PTPRD: variants seen among roughly 807,000 people sequenced by gnomAD.
PTPRD encodes protein tyrosine phosphatase receptor type D, also known as receptor-type tyrosine-protein phosphatase delta.
PTPRD carries 34 observed loss-of-function variants against 214.5 expected under a neutral mutation model. That is an observed-to-expected ratio of 0.16 (90% CI 0.12 to 0.21). The LOEUF (loss-of-function observed/expected upper bound fraction) is 0.21. Ranked by LOEUF, PTPRD falls within the 10% of genes least tolerant of loss-of-function variation. The pLI is 1.00. For missense variants in PTPRD, 2,545 were observed against 2,398.7 expected (o/e 1.06, Z -1.27); for synonymous variants, 1,128 against 845.7 (o/e 1.33, Z -5.79).
chr9:8,695,279 T>C (rs547525382), intron 12 of PTPRD, among the ~76,000 whole-genome samples: 4 of 152,292 alleles, frequency 2.6e-5, no homozygotes, highest in African/African-American at 7.2e-5. Context: ...TAAATTTTCA[T>C]TCACCAGGAT....
intron 11 of PTPRD, among the ~76,000 whole-genome samples, chr9:8,871,071 G>A (rs934173553): frequency 2.6e-5 from 4 of 152,108 alleles, no homozygotes; most frequent in African/African-American, 7.2e-5. Context: ...ATAAGTACAC[G>A]TGTTGCTAGG....
At chr9:10,247,930 T>C (rs1009669050) in intron 3 of PTPRD, among the ~76,000 whole-genome samples, 6 of 152,100 alleles carry the variant, frequency 3.9e-5, no homozygotes, top group Non-Finnish European at 7.4e-5. Flanking sequence ...GACCCAGTGA[T>C]AGACGATTGA....
intron 2 of PTPRD, among the ~76,000 whole-genome samples, chr9:10,523,890 A>T (rs2134312938): frequency 6.6e-6 from 1 of 152,008 alleles, no homozygotes; most frequent in East Asian, 1.9e-4. Context: ...TAAAATGCTC[A>T]TTCAGTGTGT....
At chr9:8,359,930 C>T (rs2078043354) in intron 39 of PTPRD, among the ~76,000 whole-genome samples, 1 of 152,130 alleles carries the variant, frequency 6.6e-6, no homozygotes, top group African/African-American at 2.4e-5. Flanking sequence ...TCAAGCTTTC[C>T]TTTTCCTCCA....
intron 11 of PTPRD, among the ~76,000 whole-genome samples, chr9:8,883,983 G>A (rs915906875): frequency 3.3e-5 from 5 of 152,240 alleles, no homozygotes; most frequent in African/African-American, 1.2e-4. Flanking sequence ...ACGAATGGGA[G>A]TGAATGAATT....
intron 39 of PTPRD, among the ~76,000 whole-genome samples, chr9:8,364,471 G>C (rs574953912): frequency 3.9e-5 from 6 of 152,226 alleles, no homozygotes; most frequent in Admixed American, 3.3e-4. Flanking sequence ...CCTGAGATGA[G>C]GAAATTGTAG....
At chr9:9,127,114 A>C (rs1325504854) in intron 10 of PTPRD, among the ~76,000 whole-genome samples, 1 of 151,996 alleles carries the variant, frequency 6.6e-6, no homozygotes, top group Non-Finnish European at 1.5e-5. Flanking sequence ...ATACACACAC[A>C]GGTACCCACA....
At chr9:8,434,493 A>T (rs559874685) in intron 35 of PTPRD, among the ~76,000 whole-genome samples, 35 of 152,276 alleles carry the variant, frequency 2.3e-4, no homozygotes, top group African/African-American at 8.4e-4. Flanking sequence ...ATTTCTCCAA[A>T]GGTATCCCTG....
chr9:9,461,800 C>T (rs1280184335), intron 8 of PTPRD, among the ~76,000 whole-genome samples: 1 of 152,100 alleles, frequency 6.6e-6, no homozygotes, highest in Non-Finnish European at 1.5e-5. Flanking sequence ...AGTAAATGAA[C>T]TGTGCAGAGA....
At chr9:9,405,001 T>A (rs1447926326) in intron 8 of PTPRD, among the ~76,000 whole-genome samples, 2 of 152,066 alleles carry the variant, frequency 1.3e-5, no homozygotes, top group Non-Finnish European at 2.9e-5. Flanking sequence ...TATTTCCCCA[T>A]CATTTCTGGA....
At chr9:9,543,011 A>C (rs935513604) in intron 8 of PTPRD, among the ~76,000 whole-genome samples, 1 of 151,692 alleles carries the variant, frequency 6.6e-6, no homozygotes, top group Non-Finnish European at 1.5e-5. Flanking sequence ...ACGTATGTCC[A>C]CAAAAATCTT....
At chr9:9,384,097 T>C (rs1211740660) in intron 9 of PTPRD, among the ~76,000 whole-genome samples, 1 of 151,164 alleles carries the variant, frequency 6.6e-6, no homozygotes, top group Non-Finnish European at 1.5e-5. Context: ...TGAAGGGACA[T>C]TAAAAACTTT....
At position 8,527,370 on chromosome 9, in the gene PTPRD, G is replaced by A. The variant is rs1204668142; in HGVS notation, c.542-17C>T. 5.6e-6 allele frequency: 9 copies of A among 1,604,756 alleles called. No individual in the cohort carries two copies. Among genetic ancestry groups the A allele is most frequent in the Admixed American group, 1.7e-5 (1 of 59,756 alleles). On this transcript the variant is annotated splice_polypyrimidine_tract_variant and intron_variant, in intron 15 of 45. Transcript: ENST00000381196. ...CAATAGATTCTGGAGATTTAAATAC[G>A]GAGAGAAGAAAGACAGCATAAAAAT...
intron 34 of PTPRD, among the ~76,000 whole-genome samples, chr9:8,446,363 C>T (rs1434034215): frequency 6.6e-6 from 1 of 152,188 alleles, no homozygotes; most frequent in Non-Finnish European, 1.5e-5. Flanking sequence ...CTTTCATTCA[C>T]AAGATGACTT....
chr9:9,842,636 C>T (rs1355615696), intron 5 of PTPRD, among the ~76,000 whole-genome samples: 1 of 151,232 alleles, frequency 6.6e-6, no homozygotes, highest in African/African-American at 2.4e-5. Flanking sequence ...AAGTAACATA[C>T]CAGTTAAAAA....
At chr9:8,546,620 TC>T (rs1486969568) in intron 14 of PTPRD, among the ~76,000 whole-genome samples, 1 of 152,062 alleles carries the variant, frequency 6.6e-6, no homozygotes, top group African/African-American at 2.4e-5. Context: ...TGCCTTGGTC[TC>T]CCCAGTAGAT....
intron 11 of PTPRD, among the ~76,000 whole-genome samples, chr9:8,825,982 T>G (rs2097167553): frequency 6.6e-6 from 1 of 152,184 alleles, no homozygotes; most frequent in African/African-American, 2.4e-5. Context: ...TACTGACCTT[T>G]TATCTTATCC....
rs188782981 is a variant in PTPRD, at chr9:8,529,158, A to G, written c.353-379T>C. On this transcript the variant is annotated intron_variant, in intron 14 of 45. Transcript: ENST00000381196. ...TCGGCCAAGTCACAAAAAGGGGAGA[A>G]GGAGATTTTAGAAAGATTCGGGAAT... 3.3e-5 allele frequency among the ~76,000 whole-genome samples: 5 copies of G among 152,188 alleles called. No individual in the cohort carries two copies. The East Asian group carries it at 7.8e-4, about 24-fold the overall frequency.
At chr9:10,547,531 C>A (rs1566868466) in intron 2 of PTPRD, among the ~76,000 whole-genome samples, 1 of 151,998 alleles carries the variant, frequency 6.6e-6, no homozygotes, top group Admixed American at 6.6e-5. Context: ...TTAAAAAAAT[C>A]TCATTCCCCT....
Sources: allele counts gnomAD v4.1 joint callset (sites outside exome capture counted in the v4.1 genomes callset), GRCh38; gene constraint gnomAD v4.1.1; transcripts MANE v1.5; gene names NCBI Gene and HGNC (gene_info 2026-07-23, HGNC 2026-07-21).